DDX10: variants seen among roughly 807,000 people sequenced by gnomAD.
DDX10 encodes the protein probable ATP-dependent RNA helicase DDX10.
DDX10 carries 74 observed loss-of-function variants against 104.3 expected under a neutral mutation model. The ratio of observed to expected loss-of-function variants is 0.71; its 90% confidence interval spans 0.59 to 0.86. The LOEUF (loss-of-function observed/expected upper bound fraction) is 0.86. Among genes scored for constraint, DDX10 ranks in the 40% least tolerant of loss-of-function variants. DDX10 has a pLI of 0.00. For synonymous variants in DDX10, 351 were observed against 353.4 expected (o/e 0.99, Z 0.08); for missense variants, 952 against 1,040.0 (o/e 0.92, Z 1.16).
chr11:108,794,032 C>T (rs1486432701), intron 13 of DDX10, among the ~76,000 whole-genome samples: 2 of 152,006 alleles, frequency 1.3e-5, no homozygotes, highest in Non-Finnish European at 2.9e-5. Context: ...CTGAATAGTA[C>T]TAATAATTCC....
At chr11:108,750,797 A>C (rs973139256) in intron 13 of DDX10, among the ~76,000 whole-genome samples, 31 of 150,810 alleles carry the variant, frequency 2.1e-4, no homozygotes, top group African/African-American at 6.8e-4. Flanking sequence ...TCTCACTGTT[A>C]CCTAGGCTAG....
At chr11:108,701,794 C>A (rs1412486320) in intron 9 of DDX10, among the ~76,000 whole-genome samples, 1 of 140,956 alleles carries the variant, frequency 7.1e-6, no homozygotes, top group Non-Finnish European at 1.5e-5. Context: ...TCAAGTGATT[C>A]TCTTGTCTCA....
intron 16 of DDX10, among the ~76,000 whole-genome samples, chr11:108,859,878 G>A (rs1285241648): frequency 2.0e-5 from 3 of 152,066 alleles, no homozygotes; most frequent in Non-Finnish European, 2.9e-5. Flanking sequence ...GTATGTATTA[G>A]CATTCATTAA....
chr11:108,873,231 TG>T (rs946760605), intron 16 of DDX10, among the ~76,000 whole-genome samples: 1 of 152,086 alleles, frequency 6.6e-6, no homozygotes, highest in African/African-American at 2.4e-5. Flanking sequence ...TTTTTCCAGG[TG>T]GGTAGACAAG....
chr11:108,735,068 G>C (rs1251039843), intron 13 of DDX10, among the ~76,000 whole-genome samples: 1 of 152,144 alleles, frequency 6.6e-6, no homozygotes, highest in East Asian at 1.9e-4. Flanking sequence ...AATTGTCCAA[G>C]CAAATTTTTG....
chr11:108,806,056 G>A (rs1160292665), intron 13 of DDX10, among the ~76,000 whole-genome samples: 1 of 152,048 alleles, frequency 6.6e-6, no homozygotes, highest in African/African-American at 2.4e-5. Context: ...ACGCCTCCTG[G>A]GTTCAAGCAT....
In DDX10 at chr11:108,832,815, G is replaced by A. The variant is rs151145938; in HGVS notation, c.1966-5631G>A. 5.5e-4 allele frequency among the ~76,000 whole-genome samples: 84 copies of A among 152,234 alleles called. 3 individuals are homozygous for A. The East Asian group carries it at 0.012, about 21-fold the overall frequency. On this transcript the variant is annotated intron_variant, in intron 13 of 17. Coordinates refer to ENST00000322536, the MANE Select transcript of DDX10 (RefSeq NM_004398.4). ...AGAAACTTAACCTGGATATATAAAA[G>A]CACATGTGTATGAATAGATATAATC...
intron 13 of DDX10, among the ~76,000 whole-genome samples, chr11:108,826,121 C>T (rs1221657411): frequency 4.0e-5 from 6 of 151,836 alleles, no homozygotes; most frequent in South Asian, 4.2e-4. Flanking sequence ...TTTTTTGATG[C>T]GAAAACAATT....
At chr11:108,856,561 A>G (rs983008072) in intron 16 of DDX10, among the ~76,000 whole-genome samples, 2 of 152,202 alleles carry the variant, frequency 1.3e-5, no homozygotes, top group Non-Finnish European at 2.9e-5. Flanking sequence ...CTGGTCTTCA[A>G]TGACTTTTTC....
intron 13 of DDX10, among the ~76,000 whole-genome samples, chr11:108,782,337 A>G (rs988944293): frequency 4.6e-5 from 7 of 152,156 alleles, no homozygotes; most frequent in Non-Finnish European, 1.0e-4. Context: ...TTTAGCTATC[A>G]TCCTTGAATA....
intron 13 of DDX10, among the ~76,000 whole-genome samples, chr11:108,836,521 C>A (rs766287331): frequency 2.6e-5 from 4 of 152,056 alleles, no homozygotes; most frequent in African/African-American, 7.2e-5. Context: ...GAGTCTTGTT[C>A]TTTTGCCTAG....
intron 9 of DDX10, among the ~76,000 whole-genome samples, chr11:108,698,393 T>C (rs977011206): frequency 1.3e-5 from 2 of 152,214 alleles, no homozygotes; most frequent in Non-Finnish European, 2.9e-5. Context: ...TTTGTGAAGG[T>C]CTGCAGTCTG....
At chr11:108,815,815 C>T (rs1199015864) in intron 13 of DDX10, among the ~76,000 whole-genome samples, 1 of 152,054 alleles carries the variant, frequency 6.6e-6, no homozygotes, top group Non-Finnish European at 1.5e-5. Flanking sequence ...ATTTTAGACT[C>T]AATAACACTA....
At chr11:108,740,778 C>CT (rs75209355) in intron 13 of DDX10, among the ~76,000 whole-genome samples, 18,713 of 151,906 alleles carry the variant, frequency 0.12, 1,560 homozygotes, top group East Asian at 0.27. Context: ...CTATGTATGT[C>CT]TTTTTGAAAA....
chr11:108,825,867 G>C (rs979705267), intron 13 of DDX10, among the ~76,000 whole-genome samples: 4 of 152,134 alleles, frequency 2.6e-5, no homozygotes, highest in African/African-American at 9.7e-5. Context: ...CTTGACAAAT[G>C]AGTAACTTTG....
intron 13 of DDX10, among the ~76,000 whole-genome samples, chr11:108,772,957 TC>T (rs2094365209): frequency 6.6e-6 from 1 of 152,200 alleles, no homozygotes; most frequent in Non-Finnish European, 1.5e-5. Context: ...ACTGAAAATG[TC>T]AGTATGGTAA....
At chr11:108,722,356 G>A (rs1450285650) in intron 12 of DDX10, among the ~76,000 whole-genome samples, 1 of 152,112 alleles carries the variant, frequency 6.6e-6, no homozygotes, top group Non-Finnish European at 1.5e-5. Context: ...GATCCAAGCT[G>A]GGAAAGACAT....
At chr11:108,845,168 A>C (rs1862698050) in intron 15 of DDX10, among the ~76,000 whole-genome samples, 1 of 152,192 alleles carries the variant, frequency 6.6e-6, no homozygotes, top group Non-Finnish European at 1.5e-5. Context: ...AGATCGCGCC[A>C]CTGTACTCCA....
At chr11:108,760,850 G>C (rs1200078988) in intron 13 of DDX10, among the ~76,000 whole-genome samples, 3 of 151,760 alleles carry the variant, frequency 2.0e-5, no homozygotes, top group Admixed American at 6.6e-5. Flanking sequence ...TAAGTTTGTT[G>C]TTAGTCATTG....
Sources: allele counts gnomAD v4.1 joint callset (sites outside exome capture counted in the v4.1 genomes callset), GRCh38; gene constraint gnomAD v4.1.1; transcripts MANE v1.5; gene names NCBI Gene and HGNC (gene_info 2026-07-23, HGNC 2026-07-21).